SOCS4: variants seen among roughly 807,000 people sequenced by gnomAD.
SOCS4 encodes suppressor of cytokine signaling 4.
SOCS4 carries 20 observed loss-of-function variants against 34.1 expected under a neutral mutation model. The ratio of observed to expected loss-of-function variants is 0.59; its 90% CI spans 0.41 to 0.85. The LOEUF (loss-of-function observed/expected upper bound fraction) is 0.85. Among genes scored for constraint, SOCS4 ranks in the 40% least tolerant of loss-of-function variants. SOCS4 has a pLI of 0.00. For synonymous variants in SOCS4, 180 were observed against 186.4 expected (o/e 0.97, Z 0.28); for missense variants, 479 against 532.4 (o/e 0.90, Z 0.99).
In SOCS4 at chr14:55,044,594, C is replaced by T. The variant is rs371961139; in HGVS notation, c.*230C>T. 38 of 237,970 alleles carry T rather than the reference C, an allele frequency of 1.6e-4. No individual in the cohort carries two copies. The East Asian group carries it at 3.1e-3, about 19-fold the overall frequency. The allele number at this position is 237,970 out of a possible 1,614,324, so 14.7% of individuals were successfully genotyped here. A position where few individuals can be genotyped will look rare whatever the true frequency, so the allele number is the denominator to read the frequency against. Reference sequence around the variant, plus strand: ...CCAGGTGTTTGGTTTTTGTTTTTACCGTGTAGGTTGTATACTTACATTTTT... The same window carrying T: ...CCAGGTGTTTGGTTTTTGTTTTTACTGTGTAGGTTGTATACTTACATTTTT... On this transcript the variant is annotated 3_prime_UTR_variant, in exon 3 of 3. Transcript: ENST00000555846.
At chr14:55,037,536 C>G (rs2042583947) in intron 2 of SOCS4, among the ~76,000 whole-genome samples, 1 of 151,800 alleles carries the variant, frequency 6.6e-6, no homozygotes, top group African/African-American at 2.4e-5. Flanking sequence ...TCTTGTCACC[C>G]AGGCTGGAGT....
At chr14:55,041,235 T>C (rs2042615420) in intron 2 of SOCS4, among the ~76,000 whole-genome samples, 1 of 152,188 alleles carries the variant, frequency 6.6e-6, no homozygotes, top group South Asian at 2.1e-4. Context: ...GTTCACACTT[T>C]TAAACACTTG....
rs557554808 is a variant in SOCS4 at position 55,044,694 on chromosome 14, A to G, written c.*330A>G. The stretch of plus-strand genomic sequence containing the variant: ...CAGGCACATTTGAAATTTGGTAGGC[A>G]TTGCAAACACATTTGAATATTGTGT... On this transcript the variant is annotated 3_prime_UTR_variant, in exon 3 of 3. Transcript: ENST00000555846. 5.8e-6 allele frequency: 1 copy of G among 171,076 alleles called. No homozygotes were observed. The highest frequency in any genetic ancestry group is 1.8e-4 in the East Asian group (1 of 5,406). 10.6% of individuals were successfully genotyped at this position (171,076 alleles called of 1,614,324 possible). A position where few individuals can be genotyped will look rare whatever the true frequency, so the allele number is the denominator to read the frequency against.
chr14:55,033,699 A>T (rs1345990213), intron 2 of SOCS4, among the ~76,000 whole-genome samples: 1 of 152,280 alleles, frequency 6.6e-6, no homozygotes, highest in African/African-American at 2.4e-5. Context: ...TAAAAGTTCA[A>T]CAACTTATGT....
intron 2 of SOCS4, among the ~76,000 whole-genome samples, chr14:55,036,472 T>G (rs1164466547): frequency 1.3e-5 from 2 of 151,804 alleles, no homozygotes; most frequent in African/African-American, 4.8e-5. Context: ...GCCCCCCGAG[T>G]AGCTGGGATT....
chr14:55,041,635 T>G (rs560138090), intron 2 of SOCS4, among the ~76,000 whole-genome samples: 1 of 151,510 alleles, frequency 6.6e-6, no homozygotes, highest in South Asian at 2.1e-4. Flanking sequence ...TCACTGTGCC[T>G]GGCTAATTTT....
At chr14:55,033,492 A>G (rs1055595069) in intron 2 of SOCS4, among the ~76,000 whole-genome samples, 5 of 152,232 alleles carry the variant, frequency 3.3e-5, no homozygotes, top group African/African-American at 7.2e-5. Context: ...CATAGCACAC[A>G]GTTATTTTTT....
In SOCS4 at chr14:55,043,233, C is replaced by A; in HGVS notation, c.192C>A (p.Asn64Lys). 1 of 1,614,166 alleles carries A rather than the reference C, an allele frequency of 6.2e-7. No homozygotes were observed. Among genetic ancestry groups the A allele is most frequent in the Non-Finnish European group, 8.5e-7 (1 of 1,180,034 alleles). ...AGAAAACCGAAGTGTCTTTAAGGAA[C>A]CAAGAAAGGAAGCACAGCTGTTCAT... is the stretch of plus-strand genomic sequence containing the variant. Reference protein sequence around the residue: ...GIEKTEVSLRNQERKHSCSSI... With the variant: ...GIEKTEVSLRKQERKHSCSSI... The change falls in exon 3 of 3, where the codon AAC (asparagine) becomes AAA (lysine). Residue 64 changes from asparagine (N) to lysine (K), a missense_variant. Asn to Lys is a moderately conservative substitution (Grantham distance 94, BLOSUM62 0). Coordinates refer to ENST00000555846, the MANE Select transcript of SOCS4 (RefSeq NM_199421.2).
rs2042695882 is a variant in SOCS4, at chr14:55,048,429, A to C, written c.*4065A>C. 1 of 167,098 alleles carries C rather than the reference A, an allele frequency of 6.0e-6. No homozygotes were observed. The highest frequency in any genetic ancestry group is 1.5e-5 in the Non-Finnish European group (1 of 68,130). The allele number at this position is 167,098 out of a possible 1,614,324, so 10.4% of individuals were successfully genotyped here. On this transcript the variant is annotated 3_prime_UTR_variant, in exon 3 of 3. Transcript: ENST00000555846. ...GTAATGTTAGGTAATGTAATGCCCA[A>C]GTGAATAAAAGATTTTTCGTCAAGC...
Position 55,044,255 on chromosome 14 carries a change from G to C in SOCS4, c.1214G>C (p.Gly405Ala). The C allele has an allele frequency of 6.2e-7, 1 of 1,614,006 alleles. No individual in the cohort carries two copies. The highest frequency in any genetic ancestry group is 1.3e-5 in the African/African-American group (1 of 75,018). The change falls in exon 3 of 3, where the codon GGC becomes GCC. Residue 405 changes from glycine to alanine, a missense_variant. Gly to Ala is a moderately conservative substitution (Grantham distance 60, BLOSUM62 0). Coordinates refer to ENST00000555846, the MANE Select transcript of SOCS4 (RefSeq NM_199421.2). ...ATTTGTAACTGTACAACTTATGATG[G>C]CATCGATGCCCTTCCAATTCCTTCT... The part of the protein sequence containing the change: ...TVICNCTTYD[G>A]IDALPIPSSM...
At chr14:55,040,987 G>C (rs1464226939) in intron 2 of SOCS4, among the ~76,000 whole-genome samples, 1 of 151,544 alleles carries the variant, frequency 6.6e-6, no homozygotes, top group Non-Finnish European at 1.5e-5. Flanking sequence ...TGCCTCCCAG[G>C]CTCATATGAT....
chr14:55,043,636 A>G lies in SOCS4; in HGVS notation c.595A>G (p.Thr199Ala), dbSNP rs765273425. 10 of 1,614,214 alleles carry G rather than the reference A, an allele frequency of 6.2e-6. No individual in the cohort carries two copies. The highest frequency in any genetic ancestry group is 7.6e-6 in the Non-Finnish European group (9 of 1,180,028). ...TACCAATGTTCAGCCCTGTGTCATA[A>G]CCACCGACAATGCTTTGTGTAGAGA... is the stretch of plus-strand genomic sequence containing the variant. ...SHTNVQPCVI[T>A]TDNALCREGP... Residue 199 changes from threonine (T) to alanine (A), a missense_variant, in exon 3 of 3, where the codon ACC (threonine) becomes GCC (alanine). By Grantham distance (58) the Thr-to-Ala change is moderately conservative (BLOSUM62 0). Coordinates refer to ENST00000555846, the MANE Select transcript of SOCS4 (RefSeq NM_199421.2).
chr14:55,028,554 G>T (rs191092851), intron 1 of SOCS4, among the ~76,000 whole-genome samples: 1 of 152,022 alleles, frequency 6.6e-6, no homozygotes, highest in East Asian at 1.9e-4. Flanking sequence ...TGAATAAAGC[G>T]TGGTGAGATT....
intron 2 of SOCS4, among the ~76,000 whole-genome samples, chr14:55,032,215 C>G (rs1037196096): frequency 9.9e-5 from 15 of 152,124 alleles, no homozygotes; most frequent in Non-Finnish European, 8.8e-5. Context: ...ATGCTGTTAT[C>G]CTACATCATA....
intron 2 of SOCS4, among the ~76,000 whole-genome samples, chr14:55,034,697 G>T (rs973211469): frequency 6.6e-6 from 1 of 151,864 alleles, no homozygotes; most frequent in Non-Finnish European, 1.5e-5. Context: ...TTAGCCAGGC[G>T]CGGTGGCAGG....
rs1395581237 is a variant in SOCS4, at chr14:55,047,144, G to A, written c.*2780G>A. On this transcript the variant is annotated 3_prime_UTR_variant, in exon 3 of 3. Transcript: ENST00000555846. ...TATTGGTGAGAGAGGATGGAGCTAA[G>A]AGAAATAAGATCAAATATTAAAATT... The A allele has an allele frequency of 6.0e-6, 1 of 167,028 alleles. No homozygotes were observed. The highest frequency in any genetic ancestry group is 1.9e-4 in the East Asian group (1 of 5,204). The allele number at this position is 167,028 out of a possible 1,614,324, so 10.3% of individuals were successfully genotyped here.
rs1449507863 is a variant in SOCS4, at chr14:55,043,312, C to T, written c.271C>T (p.Leu91Phe). 6.2e-7 allele frequency: 1 copy of T among 1,614,076 alleles called. No individual in the cohort carries two copies. Among genetic ancestry groups the T allele is most frequent in the African/African-American group, 1.3e-5 (1 of 74,936 alleles). ...SCGHRFLGRS[L>F]KQKLQDAVGQ... is the part of the protein sequence containing the mutation. The stretch of plus-strand genomic sequence containing the variant: ...TGGGCATCGATTTTTAGGCCGATCT[C>T]TTAAACAGAAACTGCAAGATGCCGT... The change falls in exon 3 of 3, where the codon CTT (leucine) becomes TTT (phenylalanine). Residue 91 changes from leucine (L) to phenylalanine (F), a missense_variant. Coordinates refer to ENST00000555846, the MANE Select transcript of SOCS4 (RefSeq NM_199421.2).
rs984713223 is a variant in SOCS4 at position 55,046,029 on chromosome 14, AT to A, written c.*1675del. 4.3e-3 allele frequency: 697 copies of A among 161,696 alleles called. 5 individuals carry two copies. The highest frequency in any genetic ancestry group is 0.015 in the African/African-American group (623 of 40,730). 10.0% of individuals were successfully genotyped at this position (161,696 alleles called of 1,614,324 possible). A position where few individuals can be genotyped will look rare whatever the true frequency, so the allele number is the denominator to read the frequency against. On this transcript the variant is annotated 3_prime_UTR_variant, in exon 3 of 3. Transcript: ENST00000555846. ...ATCTCTATTACCGTTATCTTTTAGCATTTTTTTTTTCCTCAGTGATCTCAAG... is the reference window on the plus strand; with the variant it reads ...ATCTCTATTACCGTTATCTTTTAGCATTTTTTTTTCCTCAGTGATCTCAAG...
intron 2 of SOCS4, among the ~76,000 whole-genome samples, chr14:55,033,576 TA>T (rs1566753369): frequency 6.6e-6 from 1 of 152,244 alleles, no homozygotes; most frequent in East Asian, 1.9e-4. Context: ...TATGTGTTTT[TA>T]AAAAATATAT....
Sources: gnomAD v4.1 joint callset for allele counts (sites outside exome capture counted in the v4.1 genomes callset) on GRCh38, gnomAD v4.1.1 for gene constraint, MANE v1.5 for transcripts, NCBI Gene and HGNC (gene_info 2026-07-23, HGNC 2026-07-21) for gene names.